Variants in SPATA13 observed in about 807,000 individuals in gnomAD.
SPATA13 encodes the protein spermatogenesis associated 13.
SPATA13 carries 50 observed loss-of-function variants against 104.0 expected under a neutral mutation model. The ratio of observed to expected loss-of-function variants is 0.48; its 90% CI spans 0.38 to 0.61. The LOEUF (loss-of-function observed/expected upper bound fraction) is 0.61. Ranked by LOEUF, SPATA13 falls within the 20% of genes least tolerant of loss-of-function variation. The pLI is 0.00. For synonymous variants in SPATA13, 606 were observed against 667.5 expected (o/e 0.91, Z 1.42); for missense variants, 1,524 against 1,690.6 (o/e 0.90, Z 1.73).
rs923601849 is a variant in SPATA13 at position 24,284,053 on chromosome 13, T to A, written c.2165-82T>A. 2.1e-6 allele frequency: 3 copies of A among 1,448,404 alleles called. No individual in the cohort carries two copies. The African/African-American group carries it at 4.2e-5, about 20-fold the overall frequency. 89.7% of individuals were successfully genotyped at this position (1,448,404 alleles called of 1,614,324 possible). On this transcript the variant is annotated intron_variant, in intron 4 of 12. Transcript: ENST00000382108. ...GCAGATGATTACCTTCCCTTGGGAG[T>A]ATGTTACCAAATTTTTTCATCATAT...
Position 24,073,124 on chromosome 13 carries a change from G to A in SPATA13, c.-112+55423G>A, listed in dbSNP as rs538935629. 4.6e-5 allele frequency among the ~76,000 whole-genome samples: 7 copies of A among 152,036 alleles called. No homozygotes were observed. In the South Asian group the frequency reaches 1.0e-3, roughly 23 times the overall value. On this transcript the variant is annotated intron_variant, in intron 3 of 14. Coordinates refer to the SPATA13 transcript ENST00000424834. ...GTTATTTGACCATTTTCTGGATAAC[G>A]TCATGATCATTAGGTTGAAGTGTAG...
At chr13:24,063,341 T>C (rs1166603906) in intron 3 of SPATA13, among the ~76,000 whole-genome samples, 2 of 152,086 alleles carry the variant, frequency 1.3e-5, no homozygotes, top group Non-Finnish European at 2.9e-5. Context: ...GTACAGCAGG[T>C]TTTGAAATTT....
intron 1 of SPATA13, among the ~76,000 whole-genome samples, chr13:24,204,439 A>G (rs1870589508): frequency 6.6e-6 from 1 of 152,170 alleles, no homozygotes; most frequent in Non-Finnish European, 1.5e-5. Flanking sequence ...TAAAATAGGT[A>G]TAACGTAACA....
intron 2 of SPATA13, among the ~76,000 whole-genome samples, chr13:24,227,972 C>T (rs1346875646): frequency 1.3e-5 from 2 of 151,880 alleles, no homozygotes; most frequent in Non-Finnish European, 2.9e-5. Flanking sequence ...ATGGTGCATC[C>T]CAGCTCACTG....
At chr13:24,066,259 G>A (rs1243302163) in intron 3 of SPATA13, among the ~76,000 whole-genome samples, 1 of 152,092 alleles carries the variant, frequency 6.6e-6, no homozygotes, top group African/African-American at 2.4e-5. Context: ...CTTAAGCAGG[G>A]TTCATTCCTT....
intron 2 of SPATA13, among the ~76,000 whole-genome samples, chr13:24,234,762 C>T (rs1189971211): frequency 6.6e-6 from 1 of 152,154 alleles, no homozygotes; most frequent in Non-Finnish European, 1.5e-5. Context: ...CTCACAGCTG[C>T]TTGCTGCCCT....
rs1391857835 is a variant in SPATA13, at chr13:24,051,669, A to G, written c.-112+33968A>G. On this transcript the variant is annotated intron_variant, in intron 3 of 14. Transcript: ENST00000424834. This position sits in a 1 kb window ranked among gnomAD's most constrained non-coding sequence, Gnocchi z 4.2. ...GGGTGGGGACTTAGGGGCAAGGGGAAGCTGAGAAGAGATTACACAGAGGAG... is the reference window on the plus strand; with the variant it reads ...GGGTGGGGACTTAGGGGCAAGGGGAGGCTGAGAAGAGATTACACAGAGGAG... Among the ~76,000 whole-genome samples the G allele has an allele frequency of 6.6e-6, 1 of 152,130 alleles. No individual in the cohort carries two copies. Among genetic ancestry groups the G allele is most frequent in the Non-Finnish European group, 1.5e-5 (1 of 68,014 alleles).
At chr13:24,172,617 T>A (rs1470566161) in intron 1 of SPATA13, among the ~76,000 whole-genome samples, 1 of 152,250 alleles carries the variant, frequency 6.6e-6, no homozygotes, top group Non-Finnish European at 1.5e-5. Flanking sequence ...AAAACATCCT[T>A]CTTGCATTCA....
chr13:24,279,231 C>A (rs1265229149), intron 4 of SPATA13, among the ~76,000 whole-genome samples: 1 of 152,036 alleles, frequency 6.6e-6, no homozygotes, highest in Admixed American at 6.6e-5. Context: ...GTGTGTGTAC[C>A]TGGGGAGGGC....
intron 3 of SPATA13, among the ~76,000 whole-genome samples, chr13:24,021,531 T>C (rs1202951859): frequency 2.6e-5 from 4 of 152,156 alleles, no homozygotes; most frequent in Admixed American, 6.6e-5. Context: ...AGTATCAGGC[T>C]GAAAAGCTAG....
At chr13:24,007,071 C>A (rs1003435087) in intron 2 of SPATA13, among the ~76,000 whole-genome samples, 1 of 152,170 alleles carries the variant, frequency 6.6e-6, no homozygotes, top group Admixed American at 6.5e-5. Flanking sequence ...GTCCAGTGTC[C>A]CCTCAGCTGA....
At chr13:24,297,328 T>G (rs758684200) in intron 10 of SPATA13, 35 bp from the exon 11 acceptor site, 1 of 1,569,588 alleles carries the variant, frequency 6.4e-7, no homozygotes, top group Non-Finnish European at 8.6e-7. Context: ...TGTGGTAGAA[T>G]TGGAAGGTCT....
intron 3 of SPATA13, among the ~76,000 whole-genome samples, chr13:24,024,568 G>A (rs1877122728): frequency 6.6e-6 from 1 of 151,978 alleles, no homozygotes; most frequent in Non-Finnish European, 1.5e-5. Flanking sequence ...TGGCCACACA[G>A]CACGGTTCTA....
At chr13:24,281,482 G>A (rs559351603) in intron 4 of SPATA13, among the ~76,000 whole-genome samples, 6 of 152,180 alleles carry the variant, frequency 3.9e-5, no homozygotes, top group Non-Finnish European at 8.8e-5. Context: ...CGCGGTGTCC[G>A]GCGCACCTGT....
At chr13:24,266,577 C>T (rs1874305062) in intron 4 of SPATA13, among the ~76,000 whole-genome samples, 1 of 151,930 alleles carries the variant, frequency 6.6e-6, no homozygotes. Flanking sequence ...AGCCACCACA[C>T]ACAATCTTCA....
At chr13:24,157,101 A>C (rs542750504), upstream of SPATA13, among the ~76,000 whole-genome samples, 49 of 152,208 alleles carry the variant, frequency 3.2e-4, no homozygotes, top group African/African-American at 1.2e-3. Context: ...ACCTTAAGTT[A>C]CTTCCTCCAG....
intron 2 of SPATA13, among the ~76,000 whole-genome samples, chr13:24,007,072 C>T (rs1183347477): frequency 6.6e-6 from 1 of 152,158 alleles, no homozygotes; most frequent in African/African-American, 2.4e-5. Context: ...TCCAGTGTCC[C>T]CTCAGCTGAG....
In SPATA13 at chr13:24,222,923, C is replaced by G. The variant is rs1008405408; in HGVS notation, c.-7C>G. ...TGCGGTCTGCGGACTCGGCAGTGCCCGTGGCCATGACCCAGGCTGCCGTGC... is the reference window on the plus strand; with the variant it reads ...TGCGGTCTGCGGACTCGGCAGTGCCGGTGGCCATGACCCAGGCTGCCGTGC... On this transcript the variant is annotated 5_prime_UTR_variant, in exon 2 of 13. Transcript: ENST00000382108. The G allele has an allele frequency of 1.9e-6, 3 of 1,550,770 alleles. No individual in the cohort carries two copies. Among genetic ancestry groups the G allele is most frequent in the Non-Finnish European group, 2.6e-6 (3 of 1,146,520 alleles).
chr13:24,024,114 C>G (rs888111216), intron 3 of SPATA13, among the ~76,000 whole-genome samples: 11 of 152,132 alleles, frequency 7.2e-5, no homozygotes, highest in African/African-American at 2.7e-4. Flanking sequence ...GTCAGTGTGT[C>G]AGAGTTGGGT....
Sources: gnomAD v4.1 joint callset for allele counts (sites outside exome capture counted in the v4.1 genomes callset) on GRCh38, gnomAD v4.1.1 for gene constraint, Gnocchi (gnomAD v3.1) non-coding constraint, MANE v1.5 for transcripts, NCBI Gene and HGNC (gene_info 2026-07-23, HGNC 2026-07-21) for gene names.